Variants in NAV2 observed in about 807,000 individuals in gnomAD.
NAV2 encodes neuron navigator 2, also known as helicase, APC down-regulated 1.
NAV2 carries 54 observed loss-of-function variants against 223.2 expected under a neutral mutation model. The ratio of observed to expected loss-of-function variants is 0.24; its 90% CI spans 0.19 to 0.30. The LOEUF (loss-of-function observed/expected upper bound fraction) is 0.30, where lower values mean the gene tolerates loss of function less well. NAV2 is among the 10% of genes least tolerant of loss of function. NAV2 has a pLI of 1.00. For synonymous variants in NAV2, 1,279 were observed against 1,239.3 expected, an observed-to-expected ratio of 1.03 and a Z score of -0.67; for missense variants, 2,806 against 3,147.5, an observed-to-expected ratio of 0.89 and a Z score of 2.60.
intron 8 of NAV2, among the ~76,000 whole-genome samples, chr11:19,941,166 G>A (rs1474603449): frequency 6.6e-6 from 1 of 152,108 alleles, no homozygotes; most frequent in Non-Finnish European, 1.5e-5. Flanking sequence ...TTAGATTTCA[G>A]AGTGACAGAT....
intron 36 of NAV2, among the ~76,000 whole-genome samples, chr11:20,110,311 A>T (rs1462879504): frequency 6.6e-6 from 1 of 152,212 alleles, no homozygotes; most frequent in African/African-American, 2.4e-5. Context: ...CGCCATCCTG[A>T]TCAGCCCAGG....
intron 1 of NAV2, among the ~76,000 whole-genome samples, chr11:19,762,725 T>G (rs902045851): frequency 6.6e-6 from 1 of 150,654 alleles, no homozygotes; most frequent in African/African-American, 2.4e-5. Context: ...GCAATTCTCC[T>G]GCCTCAGCCT....
chr11:20,109,896 G>A (rs148072048), intron 36 of NAV2, among the ~76,000 whole-genome samples: 19 of 152,364 alleles, frequency 1.2e-4, no homozygotes, highest in Admixed American at 2.6e-4. Flanking sequence ...CCAGCCTTGC[G>A]CTGCACTTGA....
intron 6 of NAV2, 48 bp downstream of exon 6, chr11:19,892,642 C>T (rs1466724805): frequency 1.3e-6 from 2 of 1,592,820 alleles, no homozygotes; most frequent in South Asian, 1.1e-5. Flanking sequence ...CTTCAGAGCA[C>T]ATCTACCTAG....
At chr11:19,561,917 G>C (rs1047466956) in intron 1 of NAV2, among the ~76,000 whole-genome samples, 2 of 152,212 alleles carry the variant, frequency 1.3e-5, no homozygotes, top group Non-Finnish European at 1.5e-5. Context: ...ATGATGAAGG[G>C]GGCTCCTGGA....
intron 18 of NAV2, among the ~76,000 whole-genome samples, chr11:20,055,420 A>G (rs2058304543): frequency 6.6e-6 from 1 of 152,194 alleles, no homozygotes; most frequent in Non-Finnish European, 1.5e-5. Context: ...ATCTGATCAA[A>G]AGCCTGATTG....
intron 1 of NAV2, among the ~76,000 whole-genome samples, chr11:19,741,693 A>G (rs1403627998): frequency 4.4e-3 from 6 of 1,374 alleles, no homozygotes; most frequent in African/African-American, 4.9e-3. Context: ...GTGTGTATAT[A>G]TATATATATA....
chr11:19,747,960 G>T (rs556121391), intron 1 of NAV2, among the ~76,000 whole-genome samples: 1 of 152,276 alleles, frequency 6.6e-6, no homozygotes, highest in Admixed American at 6.5e-5. Flanking sequence ...TAACCAAGTA[G>T]GGAGATGGTT....
At chr11:19,381,609 G>A (rs1802883974) in intron 1 of NAV2, among the ~76,000 whole-genome samples, 1 of 152,198 alleles carries the variant, frequency 6.6e-6, no homozygotes, top group South Asian at 2.1e-4. Flanking sequence ...ATAGTGAGGT[G>A]GGGATATTTG....
At position 19,618,259 on chromosome 11, in the gene NAV2, T is replaced by C. The variant is rs1251639260; in HGVS notation, c.76-214225T>C. 2.0e-5 allele frequency among the ~76,000 whole-genome samples: 3 copies of C among 151,740 alleles called. No homozygotes were observed. The East Asian group carries it at 5.8e-4, about 29-fold the overall frequency. Reference sequence around the variant, plus strand: ...ATGGATGGATTGCTGGCTGGCTGGCTGGGTGGCTGGATGGATCAATGGATG... The same window carrying C: ...ATGGATGGATTGCTGGCTGGCTGGCCGGGTGGCTGGATGGATCAATGGATG... On this transcript the variant is annotated intron_variant, in intron 1 of 37. Transcript: ENST00000360655.
intron 1 of NAV2, among the ~76,000 whole-genome samples, chr11:19,758,503 T>G (rs1055773475): frequency 6.6e-6 from 1 of 152,068 alleles, no homozygotes; most frequent in Non-Finnish European, 1.5e-5. Context: ...GTGGGGTGAC[T>G]TCGTTATAAG....
In NAV2 at chr11:20,045,377, C is replaced by A; in HGVS notation, c.3609C>A (p.Asn1203Lys). 1.2e-6 allele frequency: 2 copies of A among 1,614,158 alleles called. No individual in the cohort carries two copies. Among genetic ancestry groups the A allele is most frequent in the Middle Eastern group, 1.6e-4 (1 of 6,062 alleles). The change falls in exon 14 of 38, where the codon AAC becomes AAA. Residue 1203 changes from asparagine to lysine, a missense_variant. Around this residue, in one of 4 missense-constraint regions of NAV2, gnomAD observed 742 missense variants for 777.9 expected, o/e 0.95. Coordinates refer to ENST00000349880, the MANE Select transcript of NAV2 (RefSeq NM_145117.5). ...LPRPSKSNSR[N>K]GAGNRSSTSS... ...GGCCCAGTAAGTCCAACAGCCGGAA[C>A]GGGGCTGGGAACAGGTCTAGCACCA...
intron 1 of NAV2, among the ~76,000 whole-genome samples, chr11:19,745,832 C>T (rs747813926): frequency 5.3e-5 from 8 of 152,134 alleles, no homozygotes; most frequent in Admixed American, 2.0e-4. Context: ...GCTCACTCGC[C>T]CACCACTCAC....
intron 16 of NAV2, among the ~76,000 whole-genome samples, chr11:20,050,170 CTCTCGCT>C (rs1367948011): frequency 6.6e-6 from 1 of 152,176 alleles, no homozygotes; most frequent in East Asian, 1.9e-4. Flanking sequence ...GCAGCGGAAG[CTCTCGCT>C]TGCATCTCTT....
intron 1 of NAV2, among the ~76,000 whole-genome samples, chr11:19,431,558 G>A (rs1322548836): frequency 6.6e-6 from 1 of 152,198 alleles, no homozygotes; most frequent in Non-Finnish European, 1.5e-5. Context: ...TCTGGCCAAA[G>A]TGAGGTTGGG....
At chr11:20,086,820 G>A (rs1289295369) in intron 26 of NAV2, among the ~76,000 whole-genome samples, 1 of 152,182 alleles carries the variant, frequency 6.6e-6, no homozygotes, top group South Asian at 2.1e-4. Context: ...TACCTGGGAT[G>A]AGTGGGAGAC....
At position 19,771,730 on chromosome 11, in the gene NAV2, C is replaced by T. The variant is rs188758805; in HGVS notation, c.267+57768C>T. The stretch of plus-strand genomic sequence containing the variant: ...GAGATCCCTTTACATAATTCTTTAT[C>T]TCAAGAAAAAAGAAAAGGGAAGAGA... On this transcript the variant is annotated intron_variant, in intron 1 of 37. Transcript: ENST00000349880. Among the ~76,000 whole-genome samples, 657 of 152,192 alleles carry T rather than the reference C, an allele frequency of 4.3e-3. 5 individuals carry two copies. The highest frequency in any genetic ancestry group is 0.011 in the Admixed American group (173 of 15,294).
chr11:20,016,652 G>A (rs2054029677), intron 11 of NAV2, among the ~76,000 whole-genome samples: 1 of 152,154 alleles, frequency 6.6e-6, no homozygotes, highest in Non-Finnish European at 1.5e-5. Flanking sequence ...TAAATGCAAA[G>A]AGTGAGGTCC....
At chr11:19,836,672 AG>A (rs1565402507) in intron 2 of NAV2, among the ~76,000 whole-genome samples, 18 of 152,162 alleles carry the variant, frequency 1.2e-4, no homozygotes, top group African/African-American at 4.3e-4. Flanking sequence ...CTACCTTTTC[AG>A]GCACTAGTTC....
Sources: allele counts gnomAD v4.1 joint callset (sites outside exome capture counted in the v4.1 genomes callset), GRCh38; gene constraint gnomAD v4.1.1; regional missense constraint gnomAD v4.1.1; transcripts MANE v1.5; gene names NCBI Gene and HGNC (gene_info 2026-07-23, HGNC 2026-07-21).